ZKSCAN5: variants seen among roughly 807,000 people sequenced by gnomAD.
ZKSCAN5 encodes zinc finger with KRAB and SCAN domains 5, also known as zinc finger protein with KRAB and SCAN domains 5.
ZKSCAN5 carries 28 observed loss-of-function variants against 60.0 expected under a neutral mutation model. The ratio of observed to expected loss-of-function variants is 0.47; its 90% confidence interval spans 0.35 to 0.64. The LOEUF is 0.64. Ranked by LOEUF, ZKSCAN5 falls within the 30% of genes least tolerant of loss-of-function variation. The pLI is 0.01. For synonymous variants in ZKSCAN5, 361 were observed against 371.2 expected (o/e 0.97, Z 0.31); for missense variants, 881 against 1,034.6 (o/e 0.85, Z 2.04).
rs576607549 is a variant in ZKSCAN5 at position 99,519,993 on chromosome 7, C to T, written c.636+84C>T. 3 of 1,549,608 alleles carry T rather than the reference C, an allele frequency of 1.9e-6. No homozygotes were observed. The African/African-American group carries it at 4.1e-5, about 21-fold the overall frequency. On this transcript the variant is annotated intron_variant, in intron 4 of 6. Coordinates refer to ENST00000326775, the MANE Select transcript of ZKSCAN5 (RefSeq NM_145102.4). ...CTGTTTCTTTAGCCAGTGACTAGGC[C>T]CATCTTGGGTTGGTACCTTCATTCC...
chr7:99,530,639 C>T (rs1386727010), intron 6 of ZKSCAN5, among the ~76,000 whole-genome samples: 1 of 152,050 alleles, frequency 6.6e-6, no homozygotes, highest in South Asian at 2.1e-4. Flanking sequence ...CAGAAAATTC[C>T]AAAAGTTTGT....
At chr7:99,519,986 A>G (rs764483667) in intron 4 of ZKSCAN5, 77 bp downstream of exon 4, 69 of 1,563,304 alleles carry the variant, frequency 4.4e-5, no homozygotes, top group Non-Finnish European at 5.8e-5. Context: ...TTAGCCAGTG[A>G]CTAGGCCCAT....
intron 6 of ZKSCAN5, among the ~76,000 whole-genome samples, chr7:99,530,034 C>CTTTTT (rs34431974): frequency 1.9e-5 from 2 of 105,146 alleles, no homozygotes; most frequent in African/African-American, 4.0e-5. Flanking sequence ...TGCACCCGGC[C>CTTTTT]TTTTTTTTTT....
chr7:99,506,849 ATTTTTTT>A lies in ZKSCAN5; in HGVS notation c.414+405_414+411del, dbSNP rs34098119. On this transcript the variant is annotated intron_variant, in intron 2 of 6. Transcript: ENST00000326775. ...AGGCGTCCGCCACCAGGCCCGGCTA[ATTTTTTT>A]TTTTTTTTTTTTTGTATTTTTAGTA... 9.8e-3 allele frequency among the ~76,000 whole-genome samples: 1,229 copies of A among 125,900 alleles called. 12 individuals carry two copies. Among genetic ancestry groups the A allele is most frequent in the South Asian group, 0.025 (100 of 4,030 alleles). 82.6% of individuals were successfully genotyped at this position (125,900 alleles called of 152,430 possible). A position where few individuals can be genotyped will look rare whatever the true frequency, so the allele number is the denominator to read the frequency against.
intron 2 of ZKSCAN5, among the ~76,000 whole-genome samples, chr7:99,508,845 A>C (rs1584165701): frequency 8.5e-6 from 1 of 117,420 alleles, no homozygotes. Context: ...ACAAGGTCTT[A>C]CTCTGTCACC....
chr7:99,520,103 A>C (rs1279971808), intron 4 of ZKSCAN5, 66 bp from the exon 5 acceptor site: 14 of 1,588,976 alleles, frequency 8.8e-6, no homozygotes, highest in Non-Finnish European at 1.2e-5. Context: ...TAATGAGCCC[A>C]GTTCTTCCCC....
At chr7:99,523,205 G>T (rs1801621771) in intron 5 of ZKSCAN5, among the ~76,000 whole-genome samples, 1 of 149,056 alleles carries the variant, frequency 6.7e-6, no homozygotes, top group Non-Finnish European at 1.5e-5. Context: ...GGGGCAGTTA[G>T]CTGATGTTGG....
chr7:99,528,552 G>T (rs1462919949), intron 6 of ZKSCAN5, among the ~76,000 whole-genome samples: 2 of 152,042 alleles, frequency 1.3e-5, no homozygotes, highest in Non-Finnish European at 2.9e-5. Context: ...TCAGCTTCCT[G>T]CATAGCTGGG....
At chr7:99,510,697 GC>G (rs939755222) in intron 2 of ZKSCAN5, among the ~76,000 whole-genome samples, 1 of 151,960 alleles carries the variant, frequency 6.6e-6, no homozygotes, top group Non-Finnish European at 1.5e-5. Flanking sequence ...GCCCGCCTCG[GC>G]CCCCCAAAGT....
In ZKSCAN5 at chr7:99,532,999, C is replaced by T. The variant is rs931948556; in HGVS notation, c.*750C>T. 63 of 209,638 alleles carry T rather than the reference C, an allele frequency of 3.0e-4. No individual in the cohort carries two copies. In the South Asian group the frequency reaches 4.0e-3, roughly 13 times the overall value. 13.0% of individuals were successfully genotyped at this position (209,638 alleles called of 1,614,324 possible). On this transcript the variant is annotated 3_prime_UTR_variant, in exon 7 of 7. Transcript: ENST00000326775. ...AACTGTACTGGTCAGTCACATCTTA[C>T]GGCGAAGGGAGAGGGACCTTAGGGG...
intron 5 of ZKSCAN5, among the ~76,000 whole-genome samples, chr7:99,523,533 G>C (rs1472764626): frequency 6.6e-6 from 1 of 152,134 alleles, no homozygotes. Flanking sequence ...TTCAACCAGG[G>C]AGTTAGAAGT....
At position 99,526,326 on chromosome 7, in the gene ZKSCAN5, C is replaced by G; in HGVS notation, c.1286C>G (p.Pro429Arg). ...CACAGTGTCCACAGCGGAGAGAGGC[C>G]CTATGGCTGCAATGAGTGTGGGAAG... ...QHHSVHSGER[P>R]YGCNECGKNF... is the part of the protein sequence containing the mutation. The change falls in exon 6 of 7, where the codon CCC becomes CGC. Residue 429 changes from proline (P) to arginine (R), a missense_variant. Around this residue, in one of 5 missense-constraint regions of ZKSCAN5, gnomAD observed 490 missense variants for 554.5 expected, o/e 0.88. Transcript: ENST00000326775. 6.2e-7 allele frequency: 1 copy of G among 1,610,068 alleles called. No homozygotes were observed. Among genetic ancestry groups the G allele is most frequent in the Non-Finnish European group, 8.5e-7 (1 of 1,180,010 alleles).
Position 99,526,316 on chromosome 7 carries a change from G to A in ZKSCAN5, c.1276G>A (p.Gly426Arg), listed in dbSNP as rs1177343541. 8.7e-6 allele frequency: 14 copies of A among 1,611,312 alleles called. No individual in the cohort carries two copies. Among genetic ancestry groups the A allele is most frequent in the Middle Eastern group, 1.6e-4 (1 of 6,062 alleles). The change falls in exon 6 of 7, where the codon GGA becomes AGA. Residue 426 changes from glycine to arginine, a missense_variant. By Grantham distance (125) the Gly-to-Arg change is moderately radical. Coordinates refer to ENST00000326775, the MANE Select transcript of ZKSCAN5 (RefSeq NM_145102.4). ...GGTTCAGCACCACAGTGTCCACAGC[G>A]GAGAGAGGCCCTATGGCTGCAATGA... Reference protein sequence around the residue: ...HLVQHHSVHSGERPYGCNECG... With the variant: ...HLVQHHSVHSRERPYGCNECG...
chr7:99,506,552 A>G, intron 2 of ZKSCAN5, 94 bp downstream of exon 2: 1 of 1,427,028 alleles, frequency 7.0e-7, no homozygotes, highest in Non-Finnish European at 9.3e-7. Flanking sequence ...TGCTTCATTC[A>G]TATTCTTTTG....
Position 99,526,169 on chromosome 7 carries a change from G to C in ZKSCAN5, c.1129G>C (p.Gly377Arg). 2 of 1,614,180 alleles carry C rather than the reference G, an allele frequency of 1.2e-6. No individual in the cohort carries two copies. The highest frequency in any genetic ancestry group is 1.7e-6 in the Non-Finnish European group (2 of 1,180,032). The change falls in exon 6 of 7, where the codon GGA becomes CGA. Residue 377 changes from glycine to arginine, a missense_variant. Physicochemically the swap from Gly to Arg is moderately radical, Grantham distance 125. This residue lies in a region of ZKSCAN5 where 490 missense variants were observed against 554.5 expected (regional missense o/e 0.88). Coordinates refer to ENST00000326775, the MANE Select transcript of ZKSCAN5 (RefSeq NM_145102.4). Reference protein sequence around the residue: ...IHTGEKPFKCGECGKSYNQRV... With the variant: ...IHTGEKPFKCRECGKSYNQRV... ...CACTGGAGAAAAACCGTTTAAGTGC[G>C]GAGAATGTGGGAAGAGCTACAATCA... is the stretch of plus-strand genomic sequence containing the variant.
chr7:99,526,890 T>C (rs2151115088), intron 6 of ZKSCAN5, among the ~76,000 whole-genome samples: 1 of 152,368 alleles, frequency 6.6e-6, no homozygotes, highest in East Asian at 1.9e-4. Context: ...CTGGTAATTC[T>C]GTATTTTAAA....
In ZKSCAN5 at chr7:99,533,359, T is replaced by C. The variant is rs999391511; in HGVS notation, c.*1110T>C. On this transcript the variant is annotated 3_prime_UTR_variant, in exon 7 of 7. Coordinates refer to ENST00000326775, the MANE Select transcript of ZKSCAN5 (RefSeq NM_145102.4). The stretch of plus-strand genomic sequence containing the variant: ...ATGTGTGAGAGAGTTCTGAGCCTGT[T>C]TGCTAGGGAGAGTGAGTGAGTGCTC... 4 of 602,636 alleles carry C rather than the reference T, an allele frequency of 6.6e-6. No individual in the cohort carries two copies. The African/African-American group carries it at 7.3e-5, about 11-fold the overall frequency. 37.3% of individuals were successfully genotyped at this position (602,636 alleles called of 1,614,324 possible).
intron 6 of ZKSCAN5, among the ~76,000 whole-genome samples, chr7:99,527,367 A>T (rs1801838425): frequency 1.3e-5 from 2 of 152,304 alleles, no homozygotes; most frequent in East Asian, 3.9e-4. Context: ...ACCCAATAAA[A>T]TAACAGTAGT....
chr7:99,516,103 G>A (rs531440029), intron 3 of ZKSCAN5, among the ~76,000 whole-genome samples: 6 of 151,666 alleles, frequency 4.0e-5, no homozygotes, highest in South Asian at 2.1e-4. Flanking sequence ...TCAGCCTCCC[G>A]AGTAGCTGGG....
Sources: gnomAD v4.1 joint callset for allele counts (sites outside exome capture counted in the v4.1 genomes callset) on GRCh38, gnomAD v4.1.1 for gene constraint, gnomAD v4.1.1 regional missense constraint, MANE v1.5 for transcripts, NCBI Gene and HGNC (gene_info 2026-07-23, HGNC 2026-07-21) for gene names.